TMEM135: variants seen among roughly 807,000 people sequenced by gnomAD.
TMEM135 encodes transmembrane protein 135, also known as peroxisomal membrane protein 52.
In TMEM135, 30 loss-of-function variants were observed where a neutral mutation model predicts 60.3. That is an observed-to-expected ratio of 0.50 (90% confidence interval 0.37 to 0.68). TMEM135 has a LOEUF of 0.68. TMEM135 is among the 30% of genes least tolerant of loss of function. The probability of loss-of-function intolerance (pLI) is 0.00; values close to 1 mark genes in which losing one functional copy is unlikely to be tolerated. For synonymous variants in TMEM135, 190 were observed against 186.7 expected (o/e 1.02, Z -0.14); for missense variants, 468 against 548.8 (o/e 0.85, Z 1.47).
intron 6 of TMEM135, among the ~76,000 whole-genome samples, chr11:87,273,891 C>T (rs984453919): frequency 6.6e-6 from 1 of 152,004 alleles, no homozygotes; most frequent in Non-Finnish European, 1.5e-5. Context: ...CATTTTTCCC[C>T]CCAAGATCAT....
At chr11:87,230,308 T>G (rs960538929) in intron 5 of TMEM135, among the ~76,000 whole-genome samples, 6 of 152,154 alleles carry the variant, frequency 3.9e-5, no homozygotes, top group Non-Finnish European at 7.4e-5. Flanking sequence ...TATTAATTTT[T>G]GAATTTAAAA....
At chr11:87,150,360 G>C (rs1482978823) in intron 4 of TMEM135, among the ~76,000 whole-genome samples, 1 of 151,932 alleles carries the variant, frequency 6.6e-6, no homozygotes, top group Non-Finnish European at 1.5e-5. Context: ...TATTTCCTCT[G>C]TTGCTTCGTT....
chr11:87,309,663 T>C lies in TMEM135; in HGVS notation c.927T>C (p.Ser309=). The part of the protein sequence containing the change: ...QLGAFLGSFV[S]IYKGTSCFLR... The stretch of plus-strand genomic sequence containing the variant: ...GAGCTTTTCTTGGCTCTTTTGTTAG[T>C]ATATACAAGGTAAGGCTTTTAGAAG... The change falls in exon 10 of 15, where the codon AGT becomes AGC. Residue 309 remains serine (S), a synonymous_variant. Transcript: ENST00000305494. The C allele has an allele frequency of 6.2e-7, 1 of 1,613,472 alleles. No homozygotes were observed. The highest frequency in any genetic ancestry group is 8.5e-7 in the Non-Finnish European group (1 of 1,179,628).
chr11:87,299,055 T>A (rs1272719173), intron 7 of TMEM135, among the ~76,000 whole-genome samples: 3 of 152,148 alleles, frequency 2.0e-5, no homozygotes, highest in Non-Finnish European at 4.4e-5. Context: ...GCCACTGCAC[T>A]CTAGCCTGGG....
chr11:87,138,088 C>CTTT (rs10671410), intron 4 of TMEM135, among the ~76,000 whole-genome samples: 62,754 of 137,306 alleles, frequency 0.46, 14,285 homozygotes, highest in East Asian at 0.62. Context: ...AAGTTGATTT[C>CTTT]TTTTTTTTTT....
At chr11:87,184,331 T>G (rs1565477874) in intron 5 of TMEM135, among the ~76,000 whole-genome samples, 1 of 152,162 alleles carries the variant, frequency 6.6e-6, no homozygotes, top group Admixed American at 6.5e-5. Context: ...ATTTAACAGT[T>G]TTCAGCCTTC....
At chr11:87,220,612 C>A (rs932323277) in intron 5 of TMEM135, among the ~76,000 whole-genome samples, 1 of 152,136 alleles carries the variant, frequency 6.6e-6, no homozygotes, top group Non-Finnish European at 1.5e-5. Flanking sequence ...GTGGAGACAG[C>A]AATGGTATTT....
rs189788443 is a variant in TMEM135 at position 87,111,031 on chromosome 11, T to C, written c.396+19636T>C. Among the ~76,000 whole-genome samples the C allele has an allele frequency of 1.3e-3, 192 of 152,314 alleles. 1 individual carries two copies. The highest frequency in any genetic ancestry group is 2.4e-3 in the Non-Finnish European group (162 of 68,022). ...TGTTTCATTTTCTAGTTCTGCATTC[T>C]TTCGCTAACTGTAGACAAAATAAGT... On this transcript the variant is annotated intron_variant, in intron 4 of 14. Coordinates refer to ENST00000305494, the MANE Select transcript of TMEM135 (RefSeq NM_022918.4).
At chr11:87,274,146 T>C (rs1206884378) in intron 6 of TMEM135, among the ~76,000 whole-genome samples, 1 of 152,206 alleles carries the variant, frequency 6.6e-6, no homozygotes, top group East Asian at 1.9e-4. Flanking sequence ...CATTCCTTCC[T>C]AATCTAGGTA....
At chr11:87,294,949 G>A (rs1942324179) in intron 6 of TMEM135, among the ~76,000 whole-genome samples, 2 of 152,082 alleles carry the variant, frequency 1.3e-5, no homozygotes, top group South Asian at 4.1e-4. Flanking sequence ...GAAGAGAGTA[G>A]ACTGTTTCAG....
At chr11:87,038,319 T>G (rs548938034) in intron 1 of TMEM135, 133 bp downstream of exon 1, 4,240 of 227,824 alleles carry the variant, frequency 0.019, 23 homozygotes, top group Non-Finnish European at 0.022. Flanking sequence ...CGGAGTGTTT[T>G]GGGGGGTCGG....
chr11:87,219,579 A>T lies in TMEM135; in HGVS notation c.463-17059A>T, dbSNP rs551601163. On this transcript the variant is annotated intron_variant, in intron 5 of 14. Transcript: ENST00000305494. Reference sequence around the variant, plus strand: ...CTCTGGTGTTGCTTCCACTTCTTATACAGACACCAATCTTACTGGATTAGG... The same window carrying T: ...CTCTGGTGTTGCTTCCACTTCTTATTCAGACACCAATCTTACTGGATTAGG... 2.6e-5 allele frequency among the ~76,000 whole-genome samples: 4 copies of T among 152,250 alleles called. No individual in the cohort carries two copies. The East Asian group carries it at 7.7e-4, about 29-fold the overall frequency.
chr11:87,283,727 G>A (rs975483884), intron 6 of TMEM135, among the ~76,000 whole-genome samples: 2 of 151,630 alleles, frequency 1.3e-5, no homozygotes, highest in Non-Finnish European at 2.9e-5. Flanking sequence ...GCGTGGTGGC[G>A]GGCGCCTGTA....
intron 1 of TMEM135, among the ~76,000 whole-genome samples, chr11:87,057,913 A>G (rs1221261732): frequency 1.3e-5 from 2 of 152,078 alleles, no homozygotes; most frequent in Non-Finnish European, 2.9e-5. Context: ...CAGAGAGCCA[A>G]TGTGTAATTC....
rs932014751 is a variant in TMEM135 at position 87,112,764 on chromosome 11, G to A, written c.396+21369G>A. ...AGGGCTGATGCCTAGCATGATACAG[G>A]TTCTTATCATTTGTTAAATTATATG... On this transcript the variant is annotated intron_variant, in intron 4 of 14. Transcript: ENST00000305494. 9.3e-5 allele frequency among the ~76,000 whole-genome samples: 14 copies of A among 151,112 alleles called. No homozygotes were observed. The South Asian group carries it at 1.9e-3, about 21-fold the overall frequency.
intron 4 of TMEM135, among the ~76,000 whole-genome samples, chr11:87,098,195 G>T (rs1367616928): frequency 6.6e-6 from 1 of 151,492 alleles, no homozygotes; most frequent in Admixed American, 6.6e-5. Flanking sequence ...TGAGCAGTAG[G>T]AAAATAATAA....
At chr11:87,088,404 A>G (rs967251595) in intron 3 of TMEM135, among the ~76,000 whole-genome samples, 1 of 152,202 alleles carries the variant, frequency 6.6e-6, no homozygotes, top group African/African-American at 2.4e-5. Context: ...TATGTTAAGA[A>G]TACTCACAAA....
At chr11:87,220,816 T>A (rs1940602390) in intron 5 of TMEM135, among the ~76,000 whole-genome samples, 1 of 152,190 alleles carries the variant, frequency 6.6e-6, no homozygotes, top group Admixed American at 6.5e-5. Flanking sequence ...TTTTTAAAAA[T>A]CTTAACCATG....
At chr11:87,127,222 G>A (rs1207184960) in intron 4 of TMEM135, among the ~76,000 whole-genome samples, 3 of 152,208 alleles carry the variant, frequency 2.0e-5, no homozygotes, top group Non-Finnish European at 4.4e-5. Context: ...ATAATGTTTA[G>A]CATTGTGTTC....
Sources: allele counts gnomAD v4.1 joint callset (sites outside exome capture counted in the v4.1 genomes callset), GRCh38; gene constraint gnomAD v4.1.1; transcripts MANE v1.5; gene names NCBI Gene and HGNC (gene_info 2026-07-23, HGNC 2026-07-21).